DPH6: variants seen among roughly 807,000 people sequenced by gnomAD.
DPH6 encodes diphthine--ammonia ligase.
A neutral mutation model predicts 38.2 loss-of-function variants in DPH6; 33 were observed. That is an observed-to-expected ratio of 0.86 (90% CI 0.65 to 1.15). DPH6 has a LOEUF of 1.15. Ranked by LOEUF, DPH6 falls within the 50% of genes most tolerant of loss-of-function variation. The pLI, the probability that DPH6 is intolerant of heterozygous loss-of-function variation, is 0.00. For missense variants in DPH6, 325 were observed against 320.0 expected (o/e 1.02, Z -0.12); for synonymous variants, 108 against 103.0 (o/e 1.05, Z -0.30).
intron 5 of DPH6, among the ~76,000 whole-genome samples, chr15:35,439,927 G>A (rs1311376163): frequency 2.0e-5 from 3 of 152,066 alleles, no homozygotes; most frequent in Non-Finnish European, 4.4e-5. Flanking sequence ...AAGTTATTTT[G>A]CAAACAACTC....
intron 3 of DPH6, among the ~76,000 whole-genome samples, chr15:35,523,484 A>G (rs1595441446): frequency 6.6e-6 from 1 of 151,922 alleles, no homozygotes; most frequent in East Asian, 1.9e-4. Context: ...ATTTTATAAC[A>G]TTATATTATA....
chr15:35,463,362 G>GT (rs1431886247), intron 3 of DPH6, among the ~76,000 whole-genome samples: 4 of 13,470 alleles, frequency 3.0e-4, no homozygotes, highest in Admixed American at 2.3e-3. Context: ...AAAAATAATT[G>GT]TAAATGTGCA....
At chr15:35,477,213 A>G (rs1164373722) in intron 3 of DPH6, among the ~76,000 whole-genome samples, 1 of 151,874 alleles carries the variant, frequency 6.6e-6, no homozygotes, top group Non-Finnish European at 1.5e-5. Context: ...TACAATAACT[A>G]TATATCAAAG....
intron 6 of DPH6, among the ~76,000 whole-genome samples, chr15:35,405,397 T>C (rs993769109): frequency 6.6e-6 from 1 of 152,128 alleles, no homozygotes; most frequent in African/African-American, 2.4e-5. Context: ...CAGTGTTTTA[T>C]AGTTTTCTTT....
intron 3 of DPH6, among the ~76,000 whole-genome samples, chr15:35,537,438 A>G (rs2055186164): frequency 6.6e-6 from 1 of 152,188 alleles, no homozygotes; most frequent in South Asian, 2.1e-4. Context: ...ATTCATACTT[A>G]GAAGAATAAC....
the DPH6 span, among the ~76,000 whole-genome samples, chr15:35,166,306 T>C: frequency 6.6e-6 from 1 of 152,058 alleles, no homozygotes; most frequent in Admixed American, 6.6e-5. Flanking sequence ...TTACACTCTT[T>C]GTCCTAACCC....
chr15:35,182,359 G>C, the DPH6 span, among the ~76,000 whole-genome samples: 1 of 149,360 alleles, frequency 6.7e-6, no homozygotes, highest in Non-Finnish European at 1.5e-5. Context: ...GTGCAATTCT[G>C]GCTGAAAATT....
chr15:35,379,109 T>C (rs372705107), intron 7 of DPH6, among the ~76,000 whole-genome samples: 1 of 152,250 alleles, frequency 6.6e-6, no homozygotes, highest in Non-Finnish European at 1.5e-5. Context: ...CATGGCTCCA[T>C]GTCACTTGAG....
rs566615769 is a variant in DPH6, at chr15:35,250,826, G to A, written n.201-30244C>T. 1.7e-4 allele frequency among the ~76,000 whole-genome samples: 26 copies of A among 152,208 alleles called. No individual in the cohort carries two copies. The South Asian group carries it at 5.4e-3, about 32-fold the overall frequency. On this transcript the variant is annotated intron_variant and non_coding_transcript_variant, in intron 3 of 3. Transcript: ENST00000560386. ...GCCACGTATAAAGCTTTGTGAGTAGGCAGAAAGGAAGCAAATTTTCACTAT... is the reference window on the plus strand; with the variant it reads ...GCCACGTATAAAGCTTTGTGAGTAGACAGAAAGGAAGCAAATTTTCACTAT...
chr15:35,468,990 T>G (rs1334349636), intron 3 of DPH6, among the ~76,000 whole-genome samples: 5 of 151,890 alleles, frequency 3.3e-5, no homozygotes, highest in African/African-American at 4.8e-5. Context: ...ATCGCTTGAA[T>G]CCGGGAGGCG....
chr15:35,486,032 A>G (rs921802555), intron 3 of DPH6, among the ~76,000 whole-genome samples: 2 of 152,214 alleles, frequency 1.3e-5, no homozygotes, highest in Non-Finnish European at 2.9e-5. Flanking sequence ...ATGCTGCTAT[A>G]AAGAAACACC....
At chr15:35,350,341 TCTAGCTAA>T (rs2052499343) in intron 3 of DPH6, among the ~76,000 whole-genome samples, 1 of 149,934 alleles carries the variant, frequency 6.7e-6, no homozygotes, top group African/African-American at 2.5e-5. Flanking sequence ...TTTTTCTTAG[TCTAGCTAA>T]GGGTTTGTTG....
chr15:35,164,290 T>A, the DPH6 span, among the ~76,000 whole-genome samples: 2 of 151,932 alleles, frequency 1.3e-5, 1 homozygote, highest in Admixed American at 1.3e-4. Context: ...TTTCATTTTT[T>A]AAAATGCCAT....
chr15:35,279,068 A>AAAAAAAAAAAAAAAAAT (rs1555390826), intron 3 of DPH6, among the ~76,000 whole-genome samples: 1 of 102,992 alleles, frequency 9.7e-6, no homozygotes, highest in African/African-American at 4.8e-5. Context: ...AAAAAAAAAA[A>AAAAAAAAAAAAAAAAAT]ATATATATAT....
At chr15:35,169,660 G>A in the DPH6 span, 13 of 152,162 alleles carry the variant, frequency 8.5e-5, no homozygotes, top group Admixed American at 2.0e-4. Context: ...GACTGATCTC[G>A]GAATCATGAC....
chr15:35,456,139 G>T (rs1182203450), intron 3 of DPH6, among the ~76,000 whole-genome samples: 1 of 152,072 alleles, frequency 6.6e-6, no homozygotes, highest in Non-Finnish European at 1.5e-5. Context: ...CAGCAACTTT[G>T]TGAGAACATT....
the DPH6 span, among the ~76,000 whole-genome samples, chr15:35,200,936 T>C: frequency 6.8e-6 from 1 of 147,962 alleles, no homozygotes; most frequent in East Asian, 2.0e-4. Flanking sequence ...TATAAAAATA[T>C]ATAAAAAAGA....
At chr15:35,343,865 C>T (rs902956631) in intron 3 of DPH6, among the ~76,000 whole-genome samples, 4 of 151,950 alleles carry the variant, frequency 2.6e-5, no homozygotes, top group East Asian at 3.8e-4. Context: ...ATATTTAAAG[C>T]ACTATCTAAC....
At chr15:35,381,438 A>G (rs1191247429) in intron 7 of DPH6, among the ~76,000 whole-genome samples, 2 of 152,212 alleles carry the variant, frequency 1.3e-5, no homozygotes, top group Non-Finnish European at 2.9e-5. Flanking sequence ...AAAAAAGAGG[A>G]AGGAGTTAAT....
Sources: gnomAD v4.1 joint callset for allele counts (sites outside exome capture counted in the v4.1 genomes callset) on GRCh38, gnomAD v4.1.1 for gene constraint, MANE v1.5 for transcripts, NCBI Gene and HGNC (gene_info 2026-07-23, HGNC 2026-07-21) for gene names.